LRCH2: variants seen among roughly 807,000 people sequenced by gnomAD.
LRCH2 encodes the protein leucine-rich repeat and calponin homology domain-containing protein 2.
A neutral mutation model predicts 68.9 loss-of-function variants in LRCH2; 38 were observed. The observed-to-expected ratio is 0.55, with a 90% CI of 0.43 to 0.72. The LOEUF (loss-of-function observed/expected upper bound fraction) is 0.72. Ranked by LOEUF, LRCH2 falls within the 30% of genes least tolerant of loss-of-function variation. The pLI, the probability that LRCH2 is intolerant of heterozygous loss-of-function variation, is 0.00. For missense variants in LRCH2, 528 were observed against 572.9 expected (o/e 0.92, Z 0.80); for synonymous variants, 191 against 208.1 (o/e 0.92, Z 0.71).
chrX:115,140,946 C>T (rs1556533973), intron 14 of LRCH2, among the ~76,000 whole-genome samples: 1 of 111,001 alleles, frequency 9.0e-6, no homozygotes. Flanking sequence ...AAGAAACACA[C>T]TTGAGGCCAG....
intron 1 of LRCH2, among the ~76,000 whole-genome samples, chrX:115,220,958 C>T (rs1281125053): frequency 3.7e-5 from 4 of 108,041 alleles, no homozygotes; most frequent in East Asian, 2.9e-4. Context: ...GAGGCCGAGG[C>T]GGGTGGATCA....
intron 20 of LRCH2, among the ~76,000 whole-genome samples, chrX:115,118,995 A>G (rs1556524972): frequency 1.8e-5 from 2 of 111,712 alleles, no homozygotes; most frequent in Non-Finnish European, 3.8e-5. Context: ...CTCTCAATAA[A>G]TTAGGTATTG....
intron 14 of LRCH2, among the ~76,000 whole-genome samples, chrX:115,146,906 T>TACACACACACACAC (rs57837250): frequency 1.5e-5 from 1 of 67,594 alleles, no homozygotes; most frequent in African/African-American, 5.7e-5. Flanking sequence ...CTTACATACA[T>TACACACACACACAC]ACACACACAC....
At chrX:115,122,229 A>C (rs2072150288) in intron 20 of LRCH2, among the ~76,000 whole-genome samples, 1 of 110,603 alleles carries the variant, frequency 9.0e-6, no homozygotes, top group Non-Finnish European at 1.9e-5. Flanking sequence ...AAGAAGGAAA[A>C]AAAGATGGTA....
intron 14 of LRCH2, among the ~76,000 whole-genome samples, chrX:115,130,783 T>TA (rs1449155492): frequency 8.9e-6 from 1 of 112,132 alleles, no homozygotes; most frequent in Non-Finnish European, 1.9e-5. Flanking sequence ...GGCACTGATT[T>TA]AAATGTCTTA....
rs782326155 is a variant in LRCH2, at chrX:115,149,918, A to G, written c.1604T>C (p.Ile535Thr). 1 of 1,201,043 alleles carries G rather than the reference A, an allele frequency of 8.3e-7. No homozygotes were observed. The highest frequency in any genetic ancestry group is 1.1e-6 in the Non-Finnish European group (1 of 889,163). The change falls in exon 14 of 21, where the codon ATA (isoleucine) becomes ACA (threonine). Residue 535 changes from isoleucine (I) to threonine (T), a missense_variant. Coordinates refer to ENST00000317135, the MANE Select transcript of LRCH2 (RefSeq NM_020871.4). ...WQPLENQKDQ[I>T]DEQPWPESHP... ...AGATTCTGGCCACGGTTGTTCATCT[A>G]TTTGATCCTTCTGATTTTCTAAGGG... is the stretch of plus-strand genomic sequence containing the variant.
chrX:115,175,497 C>G (rs782214988), intron 5 of LRCH2, among the ~76,000 whole-genome samples: 16 of 111,584 alleles, frequency 1.4e-4, no homozygotes, highest in Non-Finnish European at 2.8e-4. Flanking sequence ...TTTTCCCACT[C>G]CATCTATTAC....
At chrX:115,206,837 G>A (rs1200937890) in intron 1 of LRCH2, among the ~76,000 whole-genome samples, 2 of 103,104 alleles carry the variant, frequency 1.9e-5, no homozygotes, top group African/African-American at 3.6e-5. Context: ...TTTAAAATCA[G>A]TATAAACATC....
At chrX:115,204,239 G>A (rs1556567201) in intron 1 of LRCH2, among the ~76,000 whole-genome samples, 1 of 113,196 alleles carries the variant, frequency 8.8e-6, no homozygotes, top group African/African-American at 3.2e-5. Flanking sequence ...TAGGGCCCTG[G>A]GCCCAGCCCA....
chrX:115,153,868 T>C (rs926183710), intron 12 of LRCH2, among the ~76,000 whole-genome samples: 2 of 111,167 alleles, frequency 1.8e-5, no homozygotes, highest in East Asian at 5.7e-4. Flanking sequence ...ATAAAAAGGA[T>C]AGAACAGAAA....
chrX:115,145,772 C>T (rs1293333336), intron 14 of LRCH2, among the ~76,000 whole-genome samples: 2 of 111,265 alleles, frequency 1.8e-5, no homozygotes, highest in Non-Finnish European at 3.8e-5. Flanking sequence ...TGGCTTATAT[C>T]CAAAAGACAG....
At chrX:115,113,531 C>T (rs181409180) in intron 20 of LRCH2, among the ~76,000 whole-genome samples, 196 bp from the exon 21 acceptor site, 13 of 110,900 alleles carry the variant, frequency 1.2e-4, no homozygotes, top group Admixed American at 9.6e-4. Flanking sequence ...TTATAGAAGT[C>T]GGCCTTGTTT....
chrX:115,146,699 C>T (rs1363062678), intron 14 of LRCH2, among the ~76,000 whole-genome samples: 3 of 109,659 alleles, frequency 2.7e-5, no homozygotes, highest in Admixed American at 9.8e-5. Flanking sequence ...TATACGATAG[C>T]GGCCTGGGAA....
In LRCH2 at chrX:115,207,983, C is replaced by T. The variant is rs1380482472; in HGVS notation, c.350-19613G>A. 7.2e-5 allele frequency among the ~76,000 whole-genome samples: 8 copies of T among 111,846 alleles called. No individual in the cohort carries two copies. The Admixed American group carries it at 7.6e-4, about 11-fold the overall frequency. On this transcript the variant is annotated intron_variant, in intron 1 of 20. Coordinates refer to ENST00000317135, the MANE Select transcript of LRCH2 (RefSeq NM_020871.4). ...TAATTGTGCCACACAATGCCAGTAG[C>T]CATCAGAAGCTGGAAGAAGCAAGGA... is the stretch of plus-strand genomic sequence containing the variant.
intron 1 of LRCH2, among the ~76,000 whole-genome samples, chrX:115,203,241 T>C (rs782670540): frequency 9.0e-6 from 1 of 111,289 alleles, no homozygotes; most frequent in East Asian, 2.9e-4. Context: ...GGGAAACCAC[T>C]CTCATGATCC....
At chrX:115,124,381 A>C (rs1556526922) in intron 16 of LRCH2, among the ~76,000 whole-genome samples, 1 of 112,409 alleles carries the variant, frequency 8.9e-6, no homozygotes, top group African/African-American at 3.2e-5. Flanking sequence ...CTATGGACTT[A>C]ACACCTAACA....
At chrX:115,211,158 G>A (rs1187237899) in intron 1 of LRCH2, among the ~76,000 whole-genome samples, 10 of 111,589 alleles carry the variant, frequency 9.0e-5, no homozygotes, top group Non-Finnish European at 9.4e-5. Flanking sequence ...ATGAGATTTG[G>A]GAGGAGTCAA....
At chrX:115,116,710 T>C (rs1366147388) in intron 20 of LRCH2, among the ~76,000 whole-genome samples, 1 of 111,290 alleles carries the variant, frequency 9.0e-6, no homozygotes, top group Non-Finnish European at 1.9e-5. Flanking sequence ...AATCAATGTA[T>C]ATGCCCAATC....
At chrX:115,154,698 T>C (rs1242191837) in intron 12 of LRCH2, among the ~76,000 whole-genome samples, 2 of 111,779 alleles carry the variant, frequency 1.8e-5, no homozygotes, top group Non-Finnish European at 3.8e-5. Context: ...AAAGATTAAA[T>C]AGATTGATAA....
Sources: allele counts gnomAD v4.1 joint callset (sites outside exome capture counted in the v4.1 genomes callset), GRCh38; gene constraint gnomAD v4.1.1; transcripts MANE v1.5; gene names NCBI Gene and HGNC (gene_info 2026-07-23, HGNC 2026-07-21).